Variants in NME7 observed in about 807,000 individuals in gnomAD.
NME7 encodes nucleoside diphosphate kinase 7.
Under a neutral mutation model 49.1 loss-of-function variants are expected in NME7, and 41 were observed. That is an observed-to-expected ratio of 0.83 (90% CI 0.65 to 1.08). The LOEUF is 1.08. Ranked by LOEUF, NME7 falls within the 50% of genes least tolerant of loss-of-function variation. The pLI, the probability that NME7 is intolerant of heterozygous loss-of-function variation, is 0.00. For missense variants in NME7, 423 were observed against 463.4 expected (o/e 0.91, Z 0.80); for synonymous variants, 139 against 150.6 (o/e 0.92, Z 0.56).
Position 169,238,563 on chromosome 1 carries a change from T to C in NME7, c.755-876A>G, listed in dbSNP as rs1647959830. On this transcript the variant is annotated intron_variant, in intron 7 of 11. Transcript: ENST00000367811. ...CTTACCGAGTGACCCTAAATCACCA[T>C]GTACTATTAGTGTCTGAATGTGCAT... Among the ~76,000 whole-genome samples, 3 of 151,444 alleles carry C rather than the reference T, an allele frequency of 2.0e-5. 1 individual carries two copies. The South Asian group carries it at 6.2e-4, about 31-fold the overall frequency.
chr1:169,287,920 T>G (rs1558024233), intron 6 of NME7, among the ~76,000 whole-genome samples: 1 of 152,118 alleles, frequency 6.6e-6, no homozygotes, highest in Admixed American at 6.6e-5. Context: ...ATAAACAGAT[T>G]CAGGCTGTGT....
intron 10 of NME7, among the ~76,000 whole-genome samples, chr1:169,193,391 G>GTAC (rs1440551473): frequency 6.6e-6 from 1 of 152,100 alleles, no homozygotes; most frequent in East Asian, 1.9e-4. Flanking sequence ...CCATGGCTCA[G>GTAC]TACTATTCAT....
intron 1 of NME7, 83 bp from the exon 2 acceptor site, chr1:169,324,583 A>G: frequency 5.0e-6 from 4 of 801,974 alleles, no homozygotes; most frequent in Non-Finnish European, 8.2e-6. Flanking sequence ...TGAAATTACC[A>G]ATATGCAAGA....
At chr1:169,143,031 G>GT (rs1393215188) in intron 11 of NME7, among the ~76,000 whole-genome samples, 1 of 152,076 alleles carries the variant, frequency 6.6e-6, no homozygotes, top group Non-Finnish European at 1.5e-5. Flanking sequence ...AAAGTACATG[G>GT]TATCAATGTA....
At chr1:169,361,507 C>T (rs1477649451) in intron 1 of NME7, among the ~76,000 whole-genome samples, 1 of 152,130 alleles carries the variant, frequency 6.6e-6, no homozygotes, top group Non-Finnish European at 1.5e-5. Flanking sequence ...TGTCTGGGTG[C>T]CAAGCTTCAT....
rs1649595807 is a variant in NME7, at chr1:169,273,943, G to C, written c.754+13360C>G. Among the ~76,000 whole-genome samples, 2 of 131,528 alleles carry C rather than the reference G, an allele frequency of 1.5e-5. 1 individual carries two copies. Among genetic ancestry groups the C allele is most frequent in the Non-Finnish European group, 3.6e-5 (2 of 56,246 alleles). 86.3% of individuals were successfully genotyped at this position (131,528 alleles called of 152,430 possible). On this transcript the variant is annotated intron_variant, in intron 7 of 11. Transcript: ENST00000367811. Reference sequence around the variant, plus strand: ...ACATACGTGTGCATGTGTCTTTATAGCAGCATGATTTATAGTCCTTTAGGT... The same window carrying C: ...ACATACGTGTGCATGTGTCTTTATACCAGCATGATTTATAGTCCTTTAGGT...
intron 10 of NME7, among the ~76,000 whole-genome samples, chr1:169,186,720 C>A (rs1660077023): frequency 6.6e-6 from 1 of 152,058 alleles, no homozygotes; most frequent in African/African-American, 2.4e-5. Context: ...CCTGGATTCA[C>A]TGATTTTTTG....
chr1:169,231,562 A>G (rs1307936282), intron 9 of NME7, among the ~76,000 whole-genome samples: 2 of 152,216 alleles, frequency 1.3e-5, no homozygotes, highest in East Asian at 1.9e-4. Context: ...AGGAGTTCCC[A>G]TGAGTCTTTG....
intron 7 of NME7, among the ~76,000 whole-genome samples, chr1:169,254,492 T>C (rs1648806973): frequency 1.3e-5 from 2 of 151,926 alleles, no homozygotes; most frequent in Non-Finnish European, 2.9e-5. Flanking sequence ...CTATCAATTT[T>C]GTTGATCCTT....
rs189155883 is a variant in NME7, at chr1:169,342,118, C to A, written c.4-17618G>T. On this transcript the variant is annotated intron_variant, in intron 1 of 11. Coordinates refer to ENST00000367811, the MANE Select transcript of NME7 (RefSeq NM_013330.5). ...AATAATATGGTTTGGCTCTGTATCCCCACCCAAATCTCATTTCGAATTGTA... is the reference window on the plus strand; with the variant it reads ...AATAATATGGTTTGGCTCTGTATCCACACCCAAATCTCATTTCGAATTGTA... 9.1e-4 allele frequency among the ~76,000 whole-genome samples: 139 copies of A among 152,140 alleles called. 1 individual carries two copies. Among genetic ancestry groups the A allele is most frequent in the Non-Finnish European group, 1.3e-3 (87 of 67,984 alleles).
At chr1:169,189,795 G>A (rs1235395027) in intron 10 of NME7, among the ~76,000 whole-genome samples, 2 of 152,130 alleles carry the variant, frequency 1.3e-5, no homozygotes, top group Non-Finnish European at 2.9e-5. Context: ...TACAACTAAT[G>A]TCTCAAATGT....
At chr1:169,142,851 G>A (rs1309108877) in intron 11 of NME7, among the ~76,000 whole-genome samples, 1 of 152,188 alleles carries the variant, frequency 6.6e-6, no homozygotes, top group Non-Finnish European at 1.5e-5. Context: ...AGCCGGCACA[G>A]GAAGTGGTTA....
intron 8 of NME7, among the ~76,000 whole-genome samples, chr1:169,235,453 T>C (rs772010200): frequency 2.0e-5 from 3 of 152,078 alleles, no homozygotes; most frequent in Non-Finnish European, 4.4e-5. Context: ...GCATAGGTAG[T>C]ATTAATGGCT....
chr1:169,232,087 T>C (rs1647646275), intron 9 of NME7, among the ~76,000 whole-genome samples: 1 of 152,156 alleles, frequency 6.6e-6, no homozygotes, highest in Non-Finnish European at 1.5e-5. Context: ...TCTCAAATTA[T>C]ACAAGGAAAT....
intron 1 of NME7, among the ~76,000 whole-genome samples, chr1:169,342,566 CAT>C (rs1431913154): frequency 2.1e-5 from 2 of 93,544 alleles, no homozygotes; most frequent in African/African-American, 3.8e-5. Context: ...TATACAAGTA[CAT>C]ATATATAGTA....
chr1:169,301,273 T>A (rs1302174074), intron 5 of NME7, among the ~76,000 whole-genome samples: 3 of 151,736 alleles, frequency 2.0e-5, no homozygotes, highest in Non-Finnish European at 4.4e-5. Context: ...AAGACATAAA[T>A]ACACACTTCT....
At chr1:169,218,349 C>G (rs1661033742) in intron 10 of NME7, among the ~76,000 whole-genome samples, 1 of 152,064 alleles carries the variant, frequency 6.6e-6, no homozygotes, top group South Asian at 2.1e-4. Flanking sequence ...TCCTAGCACA[C>G]CGGATACTGA....
intron 9 of NME7, among the ~76,000 whole-genome samples, chr1:169,234,908 C>T (rs891756942): frequency 2.0e-5 from 3 of 151,978 alleles, no homozygotes; most frequent in African/African-American, 7.2e-5. Context: ...ATTATTATAC[C>T]AAACAAAATT....
At chr1:169,132,921 C>CT (rs1303831411) in intron 11 of NME7, 104 bp from the exon 12 acceptor site, 4 of 739,552 alleles carry the variant, frequency 5.4e-6, no homozygotes, top group Non-Finnish European at 9.3e-6. Flanking sequence ...TGGCATACCC[C>CT]TTCCCAAAGA....
Sources: allele counts gnomAD v4.1 joint callset (sites outside exome capture counted in the v4.1 genomes callset), GRCh38; gene constraint gnomAD v4.1.1; transcripts MANE v1.5; gene names NCBI Gene and HGNC (gene_info 2026-07-23, HGNC 2026-07-21).